The following TRAPPC12 variants were observed in gnomAD, a reference collection of about 807,000 sequenced individuals.
The protein encoded by TRAPPC12 is TPR repeat protein 15.
TRAPPC12 carries 61 observed loss-of-function variants against 69.2 expected under a neutral mutation model. That is an observed-to-expected ratio of 0.88 (90% CI 0.72 to 1.09). TRAPPC12 has a LOEUF of 1.09. TRAPPC12 is among the 50% of genes least tolerant of loss of function. The pLI is 0.00. For synonymous variants in TRAPPC12, 469 were observed against 438.9 expected (o/e 1.07, Z -0.86); for missense variants, 1,101 against 1,016.4 (o/e 1.08, Z -1.13).
At position 3,387,947 on chromosome 2, in the gene TRAPPC12, G is replaced by A. The variant is rs1239359725; in HGVS notation, c.324G>A (p.Pro108=). The A allele has an allele frequency of 4.0e-6, 6 of 1,495,478 alleles. No homozygotes were observed. The East Asian group carries it at 1.3e-4, about 33-fold the overall frequency. 92.6% of individuals were successfully genotyped at this position (1,495,478 alleles called of 1,614,324 possible). A position where few individuals can be genotyped will look rare whatever the true frequency, so the allele number is the denominator to read the frequency against. The change falls in exon 2 of 12, where the codon CCG becomes CCA. Residue 108 remains proline (P), a synonymous_variant. Transcript: ENST00000324266. The part of the protein sequence containing the change: ...GDPGPEPAGT[P]SPSGEADGDC... ...CAGGCCCGGAGCCCGCGGGCACCCCGAGTCCCAGCGGCGAGGCCGACGGCG... is the reference window on the plus strand; with the variant it reads ...CAGGCCCGGAGCCCGCGGGCACCCCAAGTCCCAGCGGCGAGGCCGACGGCG...
At chr2:3,404,873 G>A (rs1026103560) in intron 3 of TRAPPC12, among the ~76,000 whole-genome samples, 2 of 151,056 alleles carry the variant, frequency 1.3e-5, no homozygotes, top group Admixed American at 1.3e-4. Flanking sequence ...AGGATAGAGT[G>A]GGGGGCGGTT....
intron 5 of TRAPPC12, 180 bp from the exon 6 acceptor site, chr2:3,443,599 A>G: frequency 1.6e-6 from 1 of 634,934 alleles, no homozygotes; most frequent in Non-Finnish European, 2.9e-6. Flanking sequence ...ACATACATAG[A>G]GCTCCATAGA....
intron 3 of TRAPPC12, among the ~76,000 whole-genome samples, chr2:3,417,826 G>A (rs752559504): frequency 2.6e-5 from 4 of 151,582 alleles, no homozygotes; most frequent in Admixed American, 6.6e-5. Context: ...GCAGATCACC[G>A]GAGGTCAGGA....
intron 9 of TRAPPC12, among the ~76,000 whole-genome samples, chr2:3,471,814 GTCCTCACTTGGACTTGGGTCTGAGAGGA>G (rs527543820): frequency 0.026 from 3,946 of 152,136 alleles, 191 homozygotes; most frequent in African/African-American, 0.09. Context: ...GACTGAGAGG[GTCCTCACTTGGACTTGGGTCTGAGAGGA>G]TCCTCACTTG....
intron 9 of TRAPPC12, among the ~76,000 whole-genome samples, chr2:3,466,576 G>T (rs1273333255): frequency 6.6e-6 from 1 of 152,198 alleles, no homozygotes; most frequent in East Asian, 1.9e-4. Flanking sequence ...GCTAACAGCT[G>T]GTCCTCTCCC....
chr2:3,383,741 C>T (rs1450426142), intron 1 of TRAPPC12, among the ~76,000 whole-genome samples: 1 of 151,948 alleles, frequency 6.6e-6, no homozygotes, highest in Admixed American at 6.6e-5. Flanking sequence ...GAGATTGATA[C>T]TGTGTCTGTG....
At chr2:3,436,371 A>G (rs1177163976) in intron 5 of TRAPPC12, among the ~76,000 whole-genome samples, 1 of 152,160 alleles carries the variant, frequency 6.6e-6, no homozygotes, top group South Asian at 2.1e-4. Flanking sequence ...TCCATTTTCC[A>G]TCTAATACCT....
intron 10 of TRAPPC12, 141 bp from the exon 11 acceptor site, chr2:3,478,705 C>A: frequency 1.5e-6 from 1 of 649,076 alleles, no homozygotes. Flanking sequence ...AGCTCACCGC[C>A]TCTACCTGGA....
chr2:3,422,028 T>C (rs1174535007), intron 4 of TRAPPC12, 34 bp downstream of exon 4: 2 of 1,538,704 alleles, frequency 1.3e-6, no homozygotes, highest in Admixed American at 3.6e-5. Context: ...GAGTTTAACC[T>C]GGCTTATCAC....
intron 6 of TRAPPC12, among the ~76,000 whole-genome samples, chr2:3,448,434 C>T (rs1441937643): frequency 6.6e-6 from 1 of 152,194 alleles, no homozygotes; most frequent in African/African-American, 2.4e-5. Context: ...TGCACTTGCT[C>T]CTGCCAAAAA....
chr2:3,458,474 T>C (rs1183619043), intron 7 of TRAPPC12: 1 of 985,746 alleles, frequency 1.0e-6, no homozygotes, highest in Non-Finnish European at 1.2e-6. Flanking sequence ...GTGCTGGGGT[T>C]TCTGGGGAAC....
intron 9 of TRAPPC12, among the ~76,000 whole-genome samples, chr2:3,467,117 C>T (rs762279089): frequency 1.2e-4 from 18 of 152,176 alleles, no homozygotes; most frequent in Non-Finnish European, 1.0e-4. Context: ...GCTGGAGTCT[C>T]AGGAGGGAGG....
Position 3,455,258 on chromosome 2 carries a change from G to C in TRAPPC12, c.1531-2363G>C, listed in dbSNP as rs1665082526. ...TTTTAATTTTTGTAGATACATAGTA[G>C]GTGTTTATGGGTTATAGGAGATATT... On this transcript the variant is annotated intron_variant, in intron 6 of 11. Transcript: ENST00000324266. 2.0e-5 allele frequency: 3 copies of C among 152,208 alleles called. No homozygotes were observed. In the South Asian group the frequency reaches 6.2e-4, roughly 31 times the overall value. The allele number at this position is 152,208 out of a possible 1,614,324, so 9.4% of individuals were successfully genotyped here.
chr2:3,453,427 G>C (rs1664959246), intron 6 of TRAPPC12, among the ~76,000 whole-genome samples: 1 of 152,162 alleles, frequency 6.6e-6, no homozygotes, highest in Non-Finnish European at 1.5e-5. Flanking sequence ...CAGTCCTTCT[G>C]CCCCTGTGGC....
intron 2 of TRAPPC12, among the ~76,000 whole-genome samples, chr2:3,397,911 T>C (rs1661220677): frequency 6.6e-6 from 1 of 152,164 alleles, no homozygotes; most frequent in African/African-American, 2.4e-5. Flanking sequence ...CCTCCTGCAA[T>C]GTGGTCCAAA....
chr2:3,395,973 G>T (rs571089210), intron 2 of TRAPPC12, among the ~76,000 whole-genome samples: 16 of 152,190 alleles, frequency 1.1e-4, no homozygotes, highest in African/African-American at 3.9e-4. Context: ...CAAGTGATCT[G>T]CTCACCTCAG....
intron 9 of TRAPPC12, chr2:3,467,429 G>C (rs1449732972): frequency 2.6e-5 from 4 of 152,238 alleles, no homozygotes; most frequent in African/African-American, 9.6e-5. Flanking sequence ...TTTTTCTAAA[G>C]GAAATGGAGA....
intron 11 of TRAPPC12, 49 bp from the exon 12 acceptor site, chr2:3,479,170 C>A: frequency 6.3e-7 from 1 of 1,587,130 alleles, no homozygotes. Flanking sequence ...AATGGGCGGG[C>A]GTCTGTCCTG....
At chr2:3,408,016 C>T (rs555556965) in intron 3 of TRAPPC12, among the ~76,000 whole-genome samples, 2 of 152,262 alleles carry the variant, frequency 1.3e-5, no homozygotes, top group East Asian at 1.9e-4. Flanking sequence ...CCTGGCCGGT[C>T]GTCCCCTCTC....
Sources: allele counts gnomAD v4.1 joint callset (sites outside exome capture counted in the v4.1 genomes callset), GRCh38; gene constraint gnomAD v4.1.1; transcripts MANE v1.5; gene names NCBI Gene and HGNC (gene_info 2026-07-23, HGNC 2026-07-21).